The following DOCK2 variants were observed in gnomAD, a reference collection of about 807,000 sequenced individuals.
DOCK2 encodes the protein dedicator of cytokinesis 2.
A neutral mutation model predicts 248.9 loss-of-function variants in DOCK2; 87 were observed. That is an observed-to-expected ratio of 0.35 (90% confidence interval 0.29 to 0.42). DOCK2 has a LOEUF of 0.42. Among genes scored for constraint, DOCK2 ranks in the 10% least tolerant of loss-of-function variants. DOCK2 has a pLI of 1.00. For missense variants in DOCK2, 1,747 were observed against 2,300.2 expected (o/e 0.76, Z 4.92); for synonymous variants, 805 against 821.6 (o/e 0.98, Z 0.35).
intron 27 of DOCK2, among the ~76,000 whole-genome samples, chr5:169,931,469 A>C (rs1011632688): frequency 6.6e-6 from 1 of 152,222 alleles, no homozygotes; most frequent in Non-Finnish European, 1.5e-5. Flanking sequence ...AAGTGCACTA[A>C]GTTCCTGGCA....
intron 25 of DOCK2, among the ~76,000 whole-genome samples, chr5:169,785,778 A>G (rs1765950168): frequency 6.6e-6 from 1 of 152,100 alleles, no homozygotes; most frequent in African/African-American, 2.4e-5. Context: ...CAACTCATTC[A>G]TGCCCCCTCT....
intron 27 of DOCK2, among the ~76,000 whole-genome samples, chr5:169,938,861 T>G (rs537384663): frequency 1.3e-5 from 2 of 152,352 alleles, no homozygotes; most frequent in African/African-American, 2.4e-5. Context: ...AATATTTTCT[T>G]TCTTCATATC....
intron 25 of DOCK2, among the ~76,000 whole-genome samples, chr5:169,782,676 T>A (rs1259579555): frequency 6.6e-6 from 1 of 152,126 alleles, no homozygotes; most frequent in African/African-American, 2.4e-5. Context: ...AACAGCCATG[T>A]AGGTCTTCGG....
chr5:169,684,138 C>G (rs1759822742), intron 7 of DOCK2, 58 bp from the exon 8 acceptor site: 5 of 1,570,032 alleles, frequency 3.2e-6, no homozygotes, highest in Non-Finnish European at 4.3e-6. Flanking sequence ...CTCTGTTGCT[C>G]TAAGTGGTGC....
chr5:169,974,569 G>T (rs1777645835), intron 27 of DOCK2, among the ~76,000 whole-genome samples: 1 of 152,132 alleles, frequency 6.6e-6, no homozygotes, highest in Admixed American at 6.5e-5. Context: ...GTTGACCTTG[G>T]TGTCATTTTA....
chr5:169,716,390 C>T lies in DOCK2; in HGVS notation c.2031+88C>T. ...TACTGAGAACTCATGGCCCTCATGG[C>T]CCTCATGGCCTTTTTCATGAATTCT... On this transcript the variant is annotated intron_variant, in intron 20 of 51. Transcript: ENST00000520908. The T allele has an allele frequency of 2.3e-6, 3 of 1,301,122 alleles. No homozygotes were observed. In the South Asian group the frequency reaches 3.7e-5, roughly 16 times the overall value. The allele number at this position is 1,301,122 out of a possible 1,614,324, so 80.6% of individuals were successfully genotyped here. A position where few individuals can be genotyped will look rare whatever the true frequency, so the allele number is the denominator to read the frequency against.
At chr5:170,036,406 G>A in intron 35 of DOCK2, 109 bp from the exon 36 acceptor site, 1 of 1,103,238 alleles carries the variant, frequency 9.1e-7, no homozygotes, top group Non-Finnish European at 1.3e-6. Flanking sequence ...CTATCTCAGG[G>A]TACCCAGATA....
At chr5:169,964,329 C>A (rs1777212750) in intron 27 of DOCK2, among the ~76,000 whole-genome samples, 1 of 152,184 alleles carries the variant, frequency 6.6e-6, no homozygotes, top group Non-Finnish European at 1.5e-5. Context: ...GCTCCCACCC[C>A]CAAGCTCAGA....
intron 30 of DOCK2, among the ~76,000 whole-genome samples, chr5:170,007,392 C>T (rs542419849): frequency 1.3e-4 from 20 of 152,290 alleles, no homozygotes; most frequent in African/African-American, 3.4e-4. Flanking sequence ...CACTGGCTTT[C>T]GTACCAAAGA....
intron 47 of DOCK2, among the ~76,000 whole-genome samples, chr5:170,077,157 C>T (rs768549056): frequency 2.6e-4 from 40 of 152,336 alleles, no homozygotes; most frequent in Admixed American, 5.9e-4. Flanking sequence ...GAAGTTTCCA[C>T]GTATTCCAGA....
chr5:169,899,506 T>G (rs545892535), intron 27 of DOCK2, among the ~76,000 whole-genome samples: 1 of 152,304 alleles, frequency 6.6e-6, no homozygotes, highest in East Asian at 1.9e-4. Context: ...CTTGCTTGCC[T>G]CAAATGGACT....
At chr5:169,800,864 T>C (rs918053613) in intron 25 of DOCK2, among the ~76,000 whole-genome samples, 2 of 151,974 alleles carry the variant, frequency 1.3e-5, no homozygotes. Flanking sequence ...GGCAGCCTCC[T>C]TGGGGCACTT....
Position 170,027,877 on chromosome 5 carries a change from C to A in DOCK2, c.3396C>A (p.Ile1132=), listed in dbSNP as rs891753186. 3.7e-6 allele frequency: 6 copies of A among 1,612,634 alleles called. No homozygotes were observed. Among genetic ancestry groups the A allele is most frequent in the Non-Finnish European group, 5.1e-6 (6 of 1,179,316 alleles). Reference sequence around the variant, plus strand: ...TACATCTTCAGTTTGAAAACGAAATCATCCTGAAGCTGGACCACGAGGTAG... The same window carrying A: ...TACATCTTCAGTTTGAAAACGAAATAATCCTGAAGCTGGACCACGAGGTAG... ...SGDFKKFENE[I]ILKLDHEVEG... The change falls in exon 34 of 52, where the codon ATC becomes ATA. Residue 1132 remains isoleucine, a synonymous_variant. Coordinates refer to ENST00000520908, the MANE Select transcript of DOCK2 (RefSeq NM_004946.3).
intron 44 of DOCK2, among the ~76,000 whole-genome samples, chr5:170,059,315 C>A (rs914832458): frequency 6.6e-6 from 1 of 152,142 alleles, no homozygotes; most frequent in South Asian, 2.1e-4. Flanking sequence ...TTCTCATAGA[C>A]CCCAGTGAGG....
At chr5:169,924,102 C>T (rs926109133) in intron 27 of DOCK2, among the ~76,000 whole-genome samples, 64 of 152,172 alleles carry the variant, frequency 4.2e-4, no homozygotes, top group Non-Finnish European at 1.8e-4. Flanking sequence ...GCTGTGCCCC[C>T]TGGAATCCAG....
intron 27 of DOCK2, among the ~76,000 whole-genome samples, chr5:169,847,446 G>C (rs1383929380): frequency 6.6e-6 from 1 of 152,162 alleles, no homozygotes; most frequent in Non-Finnish European, 1.5e-5. Flanking sequence ...CTGATGATTA[G>C]TGATGTTGAT....
intron 27 of DOCK2, among the ~76,000 whole-genome samples, chr5:169,877,596 A>C (rs1772404302): frequency 6.6e-6 from 1 of 152,158 alleles, no homozygotes; most frequent in Non-Finnish European, 1.5e-5. Flanking sequence ...GGGATATGAC[A>C]AATTTGAGTT....
chr5:169,705,496 A>C (rs1761215850), intron 14 of DOCK2, among the ~76,000 whole-genome samples: 3 of 152,154 alleles, frequency 2.0e-5, no homozygotes, highest in Non-Finnish European at 4.4e-5. Flanking sequence ...TGAATTAGTA[A>C]GAGGATGTTG....
At position 169,695,937 on chromosome 5, in the gene DOCK2, A is replaced by G; in HGVS notation, c.978A>G (p.Ala326=). The G allele has an allele frequency of 6.2e-7, 1 of 1,600,458 alleles. No individual in the cohort carries two copies. The highest frequency in any genetic ancestry group is 8.5e-7 in the Non-Finnish European group (1 of 1,173,778). The change falls in exon 10 of 52, where the codon GCA becomes GCG. Residue 326 remains alanine, a splice_region_variant and synonymous_variant. Coordinates refer to ENST00000520908, the MANE Select transcript of DOCK2 (RefSeq NM_004946.3). ...TQGLRRPFGV[A]VMDITDIIKG... is the part of the protein sequence containing the mutation. ...GACTGAGGAGGCCCTTTGGGGTGGC[A>G]GGTAAGGGGCACACTCTGCATCATT...
Sources: allele counts gnomAD v4.1 joint callset (sites outside exome capture counted in the v4.1 genomes callset), GRCh38; gene constraint gnomAD v4.1.1; transcripts MANE v1.5; gene names NCBI Gene and HGNC (gene_info 2026-07-23, HGNC 2026-07-21).